The following SPAST variants were observed in gnomAD, a reference collection of about 807,000 sequenced individuals.
SPAST encodes spastic paraplegia 4 (autosomal dominant; spastin).
SPAST carries 30 observed loss-of-function variants against 76.6 expected under a neutral mutation model. That is an observed-to-expected ratio of 0.39 (90% CI 0.29 to 0.53). SPAST has a LOEUF of 0.53. Among genes scored for constraint, SPAST ranks in the 20% least tolerant of loss-of-function variants. The pLI is 0.68. For missense variants in SPAST, 717 were observed against 770.5 expected (o/e 0.93, Z 0.82); for synonymous variants, 305 against 281.0 (o/e 1.09, Z -0.86).
At chr2:32,132,806 C>A (rs377459071) in intron 9 of SPAST, among the ~76,000 whole-genome samples, 55 of 152,270 alleles carry the variant, frequency 3.6e-4, no homozygotes, top group African/African-American at 1.3e-3. Context: ...TGAGACCAGC[C>A]TGATTAACAT....
chr2:32,128,845 C>A (rs987784845), intron 9 of SPAST: 1 of 285,490 alleles, frequency 3.5e-6, no homozygotes, highest in Non-Finnish European at 6.8e-6. Flanking sequence ...CTCCTGGCTT[C>A]TGGTGGCTTG....
intron 3 of SPAST, among the ~76,000 whole-genome samples, chr2:32,096,472 G>T (rs1407142136): frequency 6.6e-6 from 1 of 152,044 alleles, no homozygotes; most frequent in Admixed American, 6.6e-5. Context: ...TTTCACAGAT[G>T]CTGTTTACTG....
chr2:32,139,954 T>C (rs1679663627), intron 12 of SPAST, among the ~76,000 whole-genome samples: 1 of 151,762 alleles, frequency 6.6e-6, no homozygotes, highest in African/African-American at 2.4e-5. Flanking sequence ...AAATCAGAGG[T>C]GACACAAATA....
In SPAST at chr2:32,154,547, A is replaced by T; in HGVS notation, c.*51A>T. 1 of 1,583,296 alleles carries T rather than the reference A, an allele frequency of 6.3e-7. No homozygotes were observed. Among genetic ancestry groups the T allele is most frequent in the Non-Finnish European group, 8.7e-7 (1 of 1,152,550 alleles). On this transcript the variant is annotated 3_prime_UTR_variant, in exon 17 of 17. Transcript: ENST00000315285. ...ACATTTTACTTAAAAGAGGAAACAC[A>T]AGATCTTCAATGAACGTCATCGGCT...
intron 3 of SPAST, among the ~76,000 whole-genome samples, chr2:32,092,448 G>C (rs1473729370): frequency 6.6e-6 from 1 of 152,096 alleles, no homozygotes; most frequent in Non-Finnish European, 1.5e-5. Flanking sequence ...ATTAATAAGA[G>C]TTGGTTTTTA....
rs752000873 is a variant in SPAST at position 32,147,228 on chromosome 2, A to G, written c.1698A>G (p.Pro566=). Residue 566 remains proline, a synonymous_variant, in exon 16 of 17, where the codon CCA becomes CCG. Coordinates refer to ENST00000315285, the MANE Select transcript of SPAST (RefSeq NM_014946.4). ...TTTTATGTTTTACAGAACTAAAACC[A>G]GAACAGGTGAAGAATATGTCTGCCA... ...AALGPIRELK[P]EQVKNMSASE... is the part of the protein sequence containing the mutation. The G allele has an allele frequency of 1.3e-5, 21 of 1,608,926 alleles. No individual in the cohort carries two copies. The highest frequency in any genetic ancestry group is 2.7e-5 in the African/African-American group (2 of 74,814).
intron 6 of SPAST, 68 bp downstream of exon 6, chr2:32,115,903 C>A: frequency 1.6e-6 from 2 of 1,284,068 alleles, no homozygotes; most frequent in South Asian, 1.3e-5. Context: ...TAAAACATGT[C>A]AGGAGTGAAA....
At position 32,147,646 on chromosome 2, in the gene SPAST, G is replaced by GTTTGTTTGTTTT. The variant is rs66499406; in HGVS notation, c.1728+392_1728+393insTTTGTTTTTTTG. ...TGTTTGTTTGTTTGTTTGTTTGTTTGTTTGAGACGGAGTCTCACTCTGTCG... is the reference window on the plus strand; with the variant it reads ...TGTTTGTTTGTTTGTTTGTTTGTTTGTTTGTTTGTTTTTTTGAGACGGAGTCTCACTCTGTCG... On this transcript the variant is annotated intron_variant, in intron 16 of 16. Coordinates refer to ENST00000315285, the MANE Select transcript of SPAST (RefSeq NM_014946.4). 3.0e-3 allele frequency among the ~76,000 whole-genome samples: 446 copies of GTTTGTTTGTTTT among 150,590 alleles called. 5 individuals carry two copies. The highest frequency in any genetic ancestry group is 9.3e-3 in the East Asian group (47 of 5,058).
chr2:32,073,731 G>A (rs543970801), intron 1 of SPAST, among the ~76,000 whole-genome samples: 5 of 152,176 alleles, frequency 3.3e-5, no homozygotes, highest in African/African-American at 7.2e-5. Flanking sequence ...ATTAACAATC[G>A]CTGATCTTAC....
intron 9 of SPAST, 146 bp from the exon 10 acceptor site, chr2:32,136,417 A>C: frequency 1.5e-6 from 1 of 668,562 alleles, no homozygotes; most frequent in Non-Finnish European, 2.7e-6. Context: ...GACGGTTAGT[A>C]GTACTCTCCC....
chr2:32,076,803 C>G (rs1676978201), intron 1 of SPAST, among the ~76,000 whole-genome samples: 1 of 151,918 alleles, frequency 6.6e-6, no homozygotes, highest in Non-Finnish European at 1.5e-5. Context: ...CTTAAGTGAT[C>G]TTCCCACTTC....
At chr2:32,067,981 C>CTTT (rs755475755) in intron 1 of SPAST, among the ~76,000 whole-genome samples, 1 of 140,472 alleles carries the variant, frequency 7.1e-6, no homozygotes, top group Non-Finnish European at 1.6e-5. Context: ...TTTCTCTTTT[C>CTTT]TTTTTTTTTT....
Position 32,157,341 on chromosome 2 carries a change from T to C in SPAST, c.*2845T>C, listed in dbSNP as rs1037663942. On this transcript the variant is annotated 3_prime_UTR_variant, in exon 17 of 17. Transcript: ENST00000315285. ...TAGATTTCTGACTTGCAAATATGTTTGTACTCCAGAAGAATTAGAGGAAAA... is the reference window on the plus strand; with the variant it reads ...TAGATTTCTGACTTGCAAATATGTTCGTACTCCAGAAGAATTAGAGGAAAA... 7.2e-5 allele frequency: 11 copies of C among 152,656 alleles called. No individual in the cohort carries two copies. Among genetic ancestry groups the C allele is most frequent in the African/African-American group, 2.7e-4 (11 of 41,466 alleles). 9.5% of individuals were successfully genotyped at this position (152,656 alleles called of 1,614,324 possible).
chr2:32,146,993 G>A (rs1679908300), intron 15 of SPAST, among the ~76,000 whole-genome samples: 1 of 151,716 alleles, frequency 6.6e-6, no homozygotes, highest in Admixed American at 6.6e-5. Flanking sequence ...TTTTTGGGCA[G>A]TATGCAAGAA....
Position 32,156,119 on chromosome 2 carries a change from A to T in SPAST, c.*1623A>T, listed in dbSNP as rs1246348188. The T allele has an allele frequency of 6.6e-6, 1 of 151,340 alleles. No individual in the cohort carries two copies. 9.4% of individuals were successfully genotyped at this position (151,340 alleles called of 1,614,324 possible). On this transcript the variant is annotated 3_prime_UTR_variant, in exon 17 of 17. Transcript: ENST00000315285. The stretch of plus-strand genomic sequence containing the variant: ...AATGGCGCAATCTCGACTCACCACA[A>T]CCTCCGCCTCCCAGGTTCAAGCAAT...
At chr2:32,069,167 C>G (rs571320195) in intron 1 of SPAST, among the ~76,000 whole-genome samples, 4 of 139,352 alleles carry the variant, frequency 2.9e-5, no homozygotes, top group East Asian at 4.2e-4. Context: ...GGGCCAAGAT[C>G]ACGCCACTGC....
rs1246533131 is a variant in SPAST at position 32,091,603 on chromosome 2, C to T, written c.586+1998C>T. 6.1e-5 allele frequency among the ~76,000 whole-genome samples: 9 copies of T among 147,252 alleles called. No individual in the cohort carries two copies. The East Asian group carries it at 6.8e-4, about 11-fold the overall frequency. ...ATCCCAGCACTTTGGGAGGCCGAGG[C>T]GGGTGGATCACGAGGTCAGGAGATT... is the stretch of plus-strand genomic sequence containing the variant. On this transcript the variant is annotated intron_variant, in intron 3 of 16. Coordinates refer to ENST00000315285, the MANE Select transcript of SPAST (RefSeq NM_014946.4).
chr2:32,121,838 C>T (rs1368192080), intron 7 of SPAST, among the ~76,000 whole-genome samples: 1 of 152,194 alleles, frequency 6.6e-6, no homozygotes, highest in Non-Finnish European at 1.5e-5. Flanking sequence ...GCCACCGTGC[C>T]CAGCCCTATT....
chr2:32,074,738 C>A (rs1186484243), intron 1 of SPAST, among the ~76,000 whole-genome samples: 1 of 151,942 alleles, frequency 6.6e-6, no homozygotes, highest in Non-Finnish European at 1.5e-5. Context: ...AACTCCGGAC[C>A]TCAAGCAATC....
Sources: allele counts gnomAD v4.1 joint callset (sites outside exome capture counted in the v4.1 genomes callset), GRCh38; gene constraint gnomAD v4.1.1; transcripts MANE v1.5; gene names NCBI Gene and HGNC (gene_info 2026-07-23, HGNC 2026-07-21).